Variants in PP2D1 observed in about 807,000 individuals in gnomAD.
PP2D1 encodes protein phosphatase 2C like domain containing 1.
Under a neutral mutation model 30.2 loss-of-function variants are expected in PP2D1, and 25 were observed. The observed-to-expected ratio is 0.83, with a 90% CI of 0.60 to 1.16. The LOEUF (loss-of-function observed/expected upper bound fraction) is 1.16, where lower values mean the gene tolerates loss of function less well. Among genes scored for constraint, PP2D1 ranks in the 50% most tolerant of loss-of-function variants. The pLI, the probability that PP2D1 is intolerant of heterozygous loss-of-function variation, is 0.00. For synonymous variants in PP2D1, 260 were observed against 258.9 expected, an observed-to-expected ratio of 1.00 and a Z score of -0.04; for missense variants, 760 against 742.4, an observed-to-expected ratio of 1.02 and a Z score of -0.28.
At chr3:20,007,682 C>T (rs566758605) in intron 1 of PP2D1, among the ~76,000 whole-genome samples, 4 of 149,846 alleles carry the variant, frequency 2.7e-5, no homozygotes, top group South Asian at 4.2e-4. Flanking sequence ...GCAGGAGAAT[C>T]GCTTGAACCC....
chr3:20,004,324 G>C (rs1697291441), intron 1 of PP2D1, among the ~76,000 whole-genome samples: 1 of 152,192 alleles, frequency 6.6e-6, no homozygotes, highest in Non-Finnish European at 1.5e-5. Context: ...GCACCATCTA[G>C]GTTTGTGTAA....
chr3:19,992,658 A>G (rs949298120), intron 2 of PP2D1, among the ~76,000 whole-genome samples: 3 of 152,236 alleles, frequency 2.0e-5, no homozygotes, highest in African/African-American at 4.8e-5. Flanking sequence ...GGAGAAAGCT[A>G]GTACTGTTCA....
intron 2 of PP2D1, among the ~76,000 whole-genome samples, chr3:19,996,623 A>G (rs2929412): frequency 0.22 from 32,906 of 152,072 alleles, 3,948 homozygotes; most frequent in South Asian, 0.32. Flanking sequence ...GAAAACACAC[A>G]ACAACAAAGA....
chr3:19,999,081 C>CTTTT (rs63201460), intron 2 of PP2D1, among the ~76,000 whole-genome samples: 5 of 135,170 alleles, frequency 3.7e-5, no homozygotes, highest in Non-Finnish European at 4.7e-5. Context: ...TGTGTCTAGA[C>CTTTT]TTTTTTTTTT....
Position 19,986,012 on chromosome 3 carries a change from C to A in PP2D1, c.1261G>T (p.Gly421Ter). 3 of 1,535,976 alleles carry A rather than the reference C, an allele frequency of 2.0e-6. No homozygotes were observed. The highest frequency in any genetic ancestry group is 1.7e-6 in the Non-Finnish European group (2 of 1,146,868). Reference sequence around the variant, plus strand: ...TTCAGCTTGAGATTTCCATGAAATCCAAGTCCTCGTGTAGTTTTTACTTGC... The same window carrying A: ...TTCAGCTTGAGATTTCCATGAAATCAAAGTCCTCGTGTAGTTTTTACTTGC... ...EGQVKTTRGL[G>*]FHGNLKLKKS... Residue 421 changes from glycine (G) to a stop codon, truncating the protein, a stop_gained, in exon 3 of 3, where the codon GGA becomes TGA. Coordinates refer to ENST00000389050, the MANE Select transcript of PP2D1 (RefSeq NM_001252657.2). LOFTEE classifies it low-confidence loss of function (END_TRUNC).
At chr3:19,982,143 T>A (rs59361244), downstream of PP2D1, among the ~76,000 whole-genome samples, 3,971 of 149,944 alleles carry the variant, frequency 0.026, 161 homozygotes, top group African/African-American at 0.092. Flanking sequence ...AAAGCTGAGG[T>A]GGGAGGATCT....
intron 1 of PP2D1, 136 bp from the exon 2 acceptor site, chr3:20,002,232 T>G (rs1436700128): frequency 3.2e-6 from 2 of 623,450 alleles, no homozygotes; most frequent in African/African-American, 3.7e-5. Context: ...CTGAGTCATA[T>G]TTCTCAAAAA....
chr3:19,988,755 CTT>C (rs1443624459), intron 2 of PP2D1, among the ~76,000 whole-genome samples: 1 of 152,156 alleles, frequency 6.6e-6, no homozygotes, highest in African/African-American at 2.4e-5. Context: ...TTACTGTACT[CTT>C]TCCCTTTATT....
At chr3:19,994,105 G>A (rs1422086710) in intron 2 of PP2D1, among the ~76,000 whole-genome samples, 1 of 151,818 alleles carries the variant, frequency 6.6e-6, no homozygotes, top group Non-Finnish European at 1.5e-5. Context: ...GTCCAAGATG[G>A]GGAAGACTAA....
chr3:20,001,186 A>G lies in PP2D1; in HGVS notation c.934T>C (p.Cys312Arg), dbSNP rs777016769. ...TCCAATATACAAGTAACTGCAGAGC[A>G]GCCACTCCATTGAACCCTGGACACT... Reference protein sequence around the residue: ...KEVSRVQWSGCSAVTCILEGK... With the variant: ...KEVSRVQWSGRSAVTCILEGK... The change falls in exon 2 of 3, where the codon TGC (cysteine) becomes CGC (arginine). Residue 312 changes from cysteine (C) to arginine (R), a missense_variant. Cys to Arg is a radical substitution (Grantham distance 180). Around this residue, in one of 3 missense-constraint regions of PP2D1, gnomAD observed 374 missense variants for 388.8 expected, o/e 0.96. Coordinates refer to ENST00000389050, the MANE Select transcript of PP2D1 (RefSeq NM_001252657.2). The G allele has an allele frequency of 6.6e-7, 1 of 1,514,412 alleles. No homozygotes were observed. Among genetic ancestry groups the G allele is most frequent in the South Asian group, 1.2e-5 (1 of 81,502 alleles). The allele number at this position is 1,514,412 out of a possible 1,614,324, so 93.8% of individuals were successfully genotyped here. A position where few individuals can be genotyped will look rare whatever the true frequency, so the allele number is the denominator to read the frequency against.
Position 19,986,016 on chromosome 3 carries a change from T to C in PP2D1, c.1257A>G (p.Gly419=). 1 of 1,536,082 alleles carries C rather than the reference T, an allele frequency of 6.5e-7. No homozygotes were observed. Among genetic ancestry groups the C allele is most frequent in the South Asian group, 1.2e-5 (1 of 84,058 alleles). The change falls in exon 3 of 3, where the codon GGA becomes GGG. Residue 419 remains glycine (G), a synonymous_variant. Coordinates refer to ENST00000389050, the MANE Select transcript of PP2D1 (RefSeq NM_001252657.2). The stretch of plus-strand genomic sequence containing the variant: ...GCTTGAGATTTCCATGAAATCCAAG[T>C]CCTCGTGTAGTTTTTACTTGCCCCT... The part of the protein sequence containing the change: ...LVEGQVKTTR[G]LGFHGNLKLK...
rs1205352746 is a variant in PP2D1 at position 20,001,355 on chromosome 3, A to C, written c.765T>G (p.Phe255Leu). 2.0e-6 allele frequency: 3 copies of C among 1,536,184 alleles called. No homozygotes were observed. Among genetic ancestry groups the C allele is most frequent in the East Asian group, 4.9e-5 (2 of 40,918 alleles). The change falls in exon 2 of 3, where the codon TTT (phenylalanine) becomes TTG (leucine). Residue 255 changes from phenylalanine to leucine, a missense_variant. By Grantham distance (22) the Phe-to-Leu change is conservative. Around this residue, in one of 3 missense-constraint regions of PP2D1, gnomAD observed 374 missense variants for 388.8 expected, o/e 0.96. Coordinates refer to ENST00000389050, the MANE Select transcript of PP2D1 (RefSeq NM_001252657.2). ...QQIINSFYTV[F>L]REEYAAIEDL... ...CTTCTATTGCTGCGTATTCTTCTCT[A>C]AACACAGTGTAAAAGGAATTGATTA...
chr3:20,000,722 T>C (rs544398496), intron 2 of PP2D1, among the ~76,000 whole-genome samples: 1 of 152,364 alleles, frequency 6.6e-6, no homozygotes, highest in African/African-American at 2.4e-5. Flanking sequence ...TTGTTCAGAT[T>C]TAAGCATATG....
chr3:19,994,926 G>C (rs1004298826), intron 2 of PP2D1, among the ~76,000 whole-genome samples: 1 of 152,196 alleles, frequency 6.6e-6, no homozygotes, highest in African/African-American at 2.4e-5. Flanking sequence ...AGGGAGCATT[G>C]CTGAGGACTC....
At chr3:19,988,513 A>G (rs150230144) in intron 2 of PP2D1, among the ~76,000 whole-genome samples, 2,601 of 152,284 alleles carry the variant, frequency 0.017, 62 homozygotes, top group African/African-American at 0.059. Context: ...AAACTTCATT[A>G]GCAATTTTAA....
At chr3:19,995,650 T>C (rs757939581) in intron 2 of PP2D1, among the ~76,000 whole-genome samples, 7 of 152,180 alleles carry the variant, frequency 4.6e-5, no homozygotes, top group Admixed American at 1.3e-4. Flanking sequence ...AGTCAATCAA[T>C]TGAAACCAAC....
chr3:20,009,832 C>CAACT lies in PP2D1; in HGVS notation c.23+2214_23+2217dup, dbSNP rs879295883. ...TTTGTATTTAATTCCATGAAGCGTACAACTGTATTGGATACAGCTACTTAT... is the reference window on the plus strand; with the variant it reads ...TTTGTATTTAATTCCATGAAGCGTACAACTAACTGTATTGGATACAGCTACTTAT... On this transcript the variant is annotated intron_variant, in intron 1 of 2. Transcript: ENST00000389050. 1.4e-3 allele frequency among the ~76,000 whole-genome samples: 207 copies of CAACT among 152,290 alleles called. 1 individual carries two copies. The highest frequency in any genetic ancestry group is 2.6e-3 in the Non-Finnish European group (174 of 68,018).
chr3:19,982,795 A>T (rs1696955612), downstream of PP2D1, among the ~76,000 whole-genome samples: 1 of 151,606 alleles, frequency 6.6e-6, no homozygotes, highest in African/African-American at 2.4e-5. Context: ...ATGTATATAG[A>T]TGTTTTAAGG....
At chr3:20,002,712 G>A (rs1697271152) in intron 1 of PP2D1, among the ~76,000 whole-genome samples, 2 of 152,180 alleles carry the variant, frequency 1.3e-5, no homozygotes, top group Admixed American at 1.3e-4. Flanking sequence ...TTGAGGTCAG[G>A]AGTTCAAGAC....
Sources: gnomAD v4.1 joint callset for allele counts (sites outside exome capture counted in the v4.1 genomes callset) on GRCh38, gnomAD v4.1.1 for gene constraint, gnomAD v4.1.1 regional missense constraint, MANE v1.5 for transcripts, NCBI Gene and HGNC (gene_info 2026-07-23, HGNC 2026-07-21) for gene names.